The following XYLT1 variants were observed in gnomAD, a reference collection of about 807,000 sequenced individuals.
XYLT1 encodes the protein xylosyltransferase 1.
A neutral mutation model predicts 91.3 loss-of-function variants in XYLT1; 36 were observed. The ratio of observed to expected loss-of-function variants is 0.39; its 90% CI spans 0.30 to 0.52. XYLT1 has a LOEUF of 0.52. Ranked by LOEUF, XYLT1 falls within the 20% of genes least tolerant of loss-of-function variation. XYLT1 has a pLI of 0.68. For missense variants in XYLT1, 1,242 were observed against 1,284.5 expected, an observed-to-expected ratio of 0.97 and a Z score of 0.51; for synonymous variants, 588 against 532.0, an observed-to-expected ratio of 1.11 and a Z score of -1.45.
At chr16:17,452,305 CT>C (rs35177574) in intron 1 of XYLT1, among the ~76,000 whole-genome samples, 41,074 of 131,134 alleles carry the variant, frequency 0.31, 5,098 homozygotes, top group African/African-American at 0.48. Context: ...CAGTTTTTTT[CT>C]TTTTTTTTTT....
Position 17,296,596 on chromosome 16 carries a change from A to G in XYLT1, c.403-37098T>C, listed in dbSNP as rs537571944. 2.0e-5 allele frequency among the ~76,000 whole-genome samples: 3 copies of G among 152,310 alleles called. No homozygotes were observed. In the South Asian group the frequency reaches 6.2e-4, roughly 32 times the overall value. Reference sequence around the variant, plus strand: ...AAACTGCGAGGTGAATCTGACATCAATGCCAGCAGGGGTGTCTGGGCTCTG... The same window carrying G: ...AAACTGCGAGGTGAATCTGACATCAGTGCCAGCAGGGGTGTCTGGGCTCTG... On this transcript the variant is annotated intron_variant, in intron 2 of 11. Transcript: ENST00000261381.
intron 1 of XYLT1, among the ~76,000 whole-genome samples, chr16:17,440,913 C>T (rs1297391987): frequency 1.3e-5 from 2 of 151,992 alleles, no homozygotes; most frequent in Non-Finnish European, 2.9e-5. Context: ...TTACTAATGG[C>T]GTGGCTGTGA....
intron 5 of XYLT1, among the ~76,000 whole-genome samples, chr16:17,178,132 GCCATGGAGGACTGTCTGTGTGCAAACT>G (rs1187454676): frequency 2.6e-5 from 4 of 151,996 alleles, no homozygotes; most frequent in East Asian, 3.9e-4. Context: ...GGGCTGGATA[GCCATGGAGGACTGTCTGTGTGCAAACT>G]GCCTGTCTCC....
At chr16:17,415,942 T>C (rs577085542) in intron 1 of XYLT1, among the ~76,000 whole-genome samples, 2 of 152,244 alleles carry the variant, frequency 1.3e-5, no homozygotes, top group African/African-American at 4.8e-5. Flanking sequence ...ACAGCAAGCA[T>C]GAAGGTCCCC....
chr16:17,281,882 T>C (rs2034064065), intron 2 of XYLT1, among the ~76,000 whole-genome samples: 1 of 152,178 alleles, frequency 6.6e-6, no homozygotes, highest in African/African-American at 2.4e-5. Context: ...ATGGATGCTG[T>C]AGGGTTCTAT....
chr16:17,284,623 C>T (rs2034107447), intron 2 of XYLT1, among the ~76,000 whole-genome samples: 1 of 152,118 alleles, frequency 6.6e-6, no homozygotes. Context: ...ATGGTAAAAG[C>T]AAAACTCTCA....
chr16:17,220,110 A>G (rs775244427), intron 3 of XYLT1, among the ~76,000 whole-genome samples: 2 of 152,176 alleles, frequency 1.3e-5, no homozygotes, highest in East Asian at 3.9e-4. Context: ...AACGTGTGCT[A>G]CCACAGCTTG....
At chr16:17,181,347 C>T (rs1449838587) in intron 5 of XYLT1, among the ~76,000 whole-genome samples, 1 of 152,094 alleles carries the variant, frequency 6.6e-6, no homozygotes, top group Non-Finnish European at 1.5e-5. Flanking sequence ...GGAATAGAGA[C>T]ATAAAATATA....
At chr16:17,138,583 T>TGAACTGGGGTGGGAAATGGTGAACC in intron 7 of XYLT1, 52 bp from the exon 8 acceptor site, 1 of 1,586,222 alleles carries the variant, frequency 6.3e-7, no homozygotes, top group Non-Finnish European at 8.6e-7. Context: ...CTCCCACAGA[T>TGAACTGGGGTGGGAAATGGTGAACC]GAACTGGGGT....
At chr16:17,379,757 T>TCACACACACACACA (rs1240413974) in intron 1 of XYLT1, among the ~76,000 whole-genome samples, 21 of 129,984 alleles carry the variant, frequency 1.6e-4, no homozygotes, top group African/African-American at 7.1e-4. Flanking sequence ...TCTCTCTCTC[T>TCACACACACACACA]CTCTCTCACA....
At chr16:17,313,151 T>C (rs114591008) in intron 2 of XYLT1, among the ~76,000 whole-genome samples, 3,784 of 152,330 alleles carry the variant, frequency 0.025, 157 homozygotes, top group African/African-American at 0.085. Context: ...GGGACTGGCC[T>C]GGGCTGCCTG....
At chr16:17,246,574 T>C (rs1778678134) in intron 3 of XYLT1, among the ~76,000 whole-genome samples, 1 of 152,346 alleles carries the variant, frequency 6.6e-6, no homozygotes, top group East Asian at 1.9e-4. Context: ...CTGGGCAAGC[T>C]ACTTAACCTC....
At chr16:17,255,002 T>C (rs1187140553) in intron 3 of XYLT1, among the ~76,000 whole-genome samples, 5 of 146,166 alleles carry the variant, frequency 3.4e-5, no homozygotes, top group Admixed American at 6.8e-5. Flanking sequence ...TTTTCTTTTT[T>C]TTTTTTTTTT....
At chr16:17,306,149 T>C (rs371235307) in intron 2 of XYLT1, among the ~76,000 whole-genome samples, 1 of 152,170 alleles carries the variant, frequency 6.6e-6, no homozygotes, top group East Asian at 1.9e-4. Flanking sequence ...CAGGGTAACT[T>C]ACCAAGTGCT....
chr16:17,326,212 C>A (rs528786902), intron 2 of XYLT1, among the ~76,000 whole-genome samples: 17 of 152,092 alleles, frequency 1.1e-4, no homozygotes, highest in African/African-American at 4.1e-4. Context: ...GTATACAATG[C>A]AGTATTGTTA....
At chr16:17,434,268 G>A (rs765755531) in intron 1 of XYLT1, among the ~76,000 whole-genome samples, 18 of 152,154 alleles carry the variant, frequency 1.2e-4, no homozygotes, top group South Asian at 4.1e-4. Flanking sequence ...AATGAAGCAT[G>A]TCCCATCCAC....
At chr16:17,421,188 C>T (rs1010246321) in intron 1 of XYLT1, among the ~76,000 whole-genome samples, 1 of 152,158 alleles carries the variant, frequency 6.6e-6, no homozygotes, top group African/African-American at 2.4e-5. Flanking sequence ...GGAGAACATG[C>T]CTGTGCTTTG....
intron 2 of XYLT1, among the ~76,000 whole-genome samples, chr16:17,314,799 G>T (rs180795080): frequency 7.2e-5 from 11 of 152,300 alleles, no homozygotes; most frequent in Admixed American, 7.2e-4. Context: ...AGCAAAAAGG[G>T]ATGCTTTGTA....
At chr16:17,267,830 T>C (rs2033829375) in intron 2 of XYLT1, among the ~76,000 whole-genome samples, 3 of 152,202 alleles carry the variant, frequency 2.0e-5, no homozygotes, top group African/African-American at 7.2e-5. Flanking sequence ...TCAGTTTCCT[T>C]CTCTGTAAAA....
Sources: allele counts gnomAD v4.1 joint callset (sites outside exome capture counted in the v4.1 genomes callset), GRCh38; gene constraint gnomAD v4.1.1; transcripts MANE v1.5; gene names NCBI Gene and HGNC (gene_info 2026-07-23, HGNC 2026-07-21).